Variants in NUP62CL observed in about 807,000 individuals in gnomAD.
NUP62CL encodes nucleoporin 62 C-terminal like.
Under a neutral mutation model 15.3 loss-of-function variants are expected in NUP62CL, and 13 were observed. The observed-to-expected ratio is 0.85, with a 90% CI of 0.55 to 1.35. NUP62CL has a LOEUF of 1.35. Among genes scored for constraint, NUP62CL ranks in the 40% most tolerant of loss-of-function variants. NUP62CL has a pLI of 0.00. For synonymous variants in NUP62CL, 54 were observed against 49.2 expected (o/e 1.10, Z -0.41); for missense variants, 123 against 130.6 (o/e 0.94, Z 0.28).
chrX:107,150,969 T>A (rs914464017), intron 7 of NUP62CL: 3 of 341,137 alleles, frequency 8.8e-6, no homozygotes, highest in Non-Finnish European at 1.8e-5. Context: ...AATCTGTAAC[T>A]GAAAAGGCAA....
chrX:107,189,944 AG>A (rs1569365739), intron 2 of NUP62CL, among the ~76,000 whole-genome samples: 1 of 98,229 alleles, frequency 1.0e-5, no homozygotes, highest in African/African-American at 4.0e-5. Context: ...AAAGAAAGAA[AG>A]AGAATCGATA....
chrX:107,152,117 GATAT>G (rs3072230), intron 7 of NUP62CL, among the ~76,000 whole-genome samples: 13 of 34,746 alleles, frequency 3.7e-4, no homozygotes, highest in Admixed American at 3.7e-3. Flanking sequence ...TATATATTCA[GATAT>G]ATATATATAT....
chrX:107,194,807 CTCTCTTTTTTTTTT>C (rs1262809788), intron 1 of NUP62CL, among the ~76,000 whole-genome samples: 2 of 90,862 alleles, frequency 2.2e-5, no homozygotes, highest in East Asian at 7.6e-4. Context: ...TCTTTTCTTT[CTCTCTTTTTTTTTT>C]TTTTTTTTTT....
chrX:107,157,261 T>A (rs1324896860), intron 4 of NUP62CL, among the ~76,000 whole-genome samples: 7 of 105,152 alleles, frequency 6.7e-5, no homozygotes, highest in East Asian at 3.1e-4. Context: ...ACGTTCAGAT[T>A]CAGGAAATAC....
chrX:107,143,707 C>A (rs1925826247), intron 8 of NUP62CL, among the ~76,000 whole-genome samples: 1 of 111,768 alleles, frequency 8.9e-6, no homozygotes, highest in African/African-American at 3.2e-5. Context: ...TAGTAAAAAA[C>A]TATAATATTT....
Position 107,154,933 on chromosome X carries a change from G to A in NUP62CL, c.195-687C>T, listed in dbSNP as rs750134663. On this transcript the variant is annotated intron_variant, in intron 4 of 8. Transcript: ENST00000372466. ...CCTAAATCCCTACCCAGTAGCAACA[G>A]GGCTCAATGAGGCAGAATGAGGCAG... Among the ~76,000 whole-genome samples the A allele has an allele frequency of 1.7e-4, 19 of 111,970 alleles. 1 individual carries two copies. The Admixed American group carries it at 1.8e-3, about 11-fold the overall frequency.
intron 8 of NUP62CL, among the ~76,000 whole-genome samples, chrX:107,133,070 G>A (rs1202708412): frequency 1.8e-5 from 2 of 111,541 alleles, no homozygotes; most frequent in African/African-American, 6.5e-5. Context: ...TGCAGTTGAA[G>A]GATCAAAGTC....
chrX:107,144,378 A>T (rs1925841796), intron 8 of NUP62CL, among the ~76,000 whole-genome samples: 1 of 112,052 alleles, frequency 8.9e-6, no homozygotes, highest in African/African-American at 3.2e-5. Context: ...GCCATTAATT[A>T]GCTGTGTGTT....
At chrX:107,131,729 T>C in intron 8 of NUP62CL, 2 of 829,321 alleles carry the variant, frequency 2.4e-6, no homozygotes, top group Non-Finnish European at 3.6e-6. Context: ...AATTATTGAT[T>C]CAGACTTTCT....
intron 8 of NUP62CL, among the ~76,000 whole-genome samples, chrX:107,136,995 C>T (rs749475731): frequency 1.8e-5 from 2 of 111,750 alleles, no homozygotes; most frequent in African/African-American, 3.3e-5. Context: ...ACCTGGGAGG[C>T]GGATGTTGCA....
intron 2 of NUP62CL, among the ~76,000 whole-genome samples, chrX:107,179,783 T>A (rs1329440181): frequency 8.9e-6 from 1 of 112,297 alleles, no homozygotes; most frequent in African/African-American, 3.2e-5. Context: ...TTTAATTCTC[T>A]GAGAAATCTC....
At chrX:107,181,815 T>C (rs1398571820) in intron 2 of NUP62CL, among the ~76,000 whole-genome samples, 1 of 112,418 alleles carries the variant, frequency 8.9e-6, no homozygotes, top group Non-Finnish European at 1.9e-5. Context: ...ATCTAAGTCA[T>C]GCATATTTTT....
chrX:107,127,150 A>C, intron 8 of NUP62CL, among the ~76,000 whole-genome samples: 1 of 112,422 alleles, frequency 8.9e-6, no homozygotes, highest in East Asian at 2.8e-4. Context: ...TACATGTTAC[A>C]ACATAGATGA....
chrX:107,165,284 G>A (rs1301880641), intron 4 of NUP62CL, among the ~76,000 whole-genome samples: 3 of 108,302 alleles, frequency 2.8e-5, no homozygotes, highest in South Asian at 8.1e-4. Flanking sequence ...TAGCCTGGGC[G>A]TCACAGTGAG....
chrX:107,192,849 A>C (rs1602665841), intron 2 of NUP62CL, among the ~76,000 whole-genome samples, 180 bp downstream of exon 2: 1 of 112,165 alleles, frequency 8.9e-6, no homozygotes, highest in African/African-American at 3.2e-5. Flanking sequence ...TCCAAAAATG[A>C]ATCCTGTAGT....
At chrX:107,124,774 T>G (rs1284504449) in intron 8 of NUP62CL, among the ~76,000 whole-genome samples, 3 of 111,494 alleles carry the variant, frequency 2.7e-5, no homozygotes, top group Non-Finnish European at 5.7e-5. Context: ...GTTCTTAAAT[T>G]TTCTCAGGGG....
intron 2 of NUP62CL, among the ~76,000 whole-genome samples, chrX:107,186,775 G>A (rs1927074392): frequency 9.0e-6 from 1 of 111,194 alleles, no homozygotes; most frequent in Non-Finnish European, 1.9e-5. Context: ...GTGCATGCCT[G>A]TAATCCCAGC....
intron 1 of NUP62CL, among the ~76,000 whole-genome samples, chrX:107,195,828 C>G (rs1366693509): frequency 9.0e-6 from 1 of 111,465 alleles, no homozygotes; most frequent in African/African-American, 3.3e-5. Flanking sequence ...CCTGAGGTTA[C>G]AAGTGCTATG....
intron 2 of NUP62CL, among the ~76,000 whole-genome samples, chrX:107,178,246 A>G (rs1489464433): frequency 8.9e-6 from 1 of 112,034 alleles, no homozygotes; most frequent in Non-Finnish European, 1.9e-5. Flanking sequence ...TGATGAAAAT[A>G]TTCTAATACG....
Sources: gnomAD v4.1 joint callset for allele counts (sites outside exome capture counted in the v4.1 genomes callset) on GRCh38, gnomAD v4.1.1 for gene constraint, MANE v1.5 for transcripts, NCBI Gene and HGNC (gene_info 2026-07-23, HGNC 2026-07-21) for gene names.